HROB: variants seen among roughly 807,000 people sequenced by gnomAD.
HROB encodes the protein homologous recombination factor with OB-fold.
In HROB, 44 loss-of-function variants were observed where a neutral mutation model predicts 61.0. The ratio of observed to expected loss-of-function variants is 0.72; its 90% CI spans 0.57 to 0.93. The LOEUF is 0.93. Ranked by LOEUF, HROB falls within the 40% of genes least tolerant of loss-of-function variation. The probability of loss-of-function intolerance (pLI) is 0.00; values close to 1 mark genes in which losing one functional copy is unlikely to be tolerated. For synonymous variants in HROB, 301 were observed against 310.4 expected, an observed-to-expected ratio of 0.97 and a Z score of 0.32; for missense variants, 716 against 796.2, an observed-to-expected ratio of 0.90 and a Z score of 1.21.
intron 1 of HROB, 139 bp downstream of exon 1, chr17:44,142,284 TGGGCTGTCGTCA>T (rs1451338894): frequency 8.8e-7 from 1 of 1,142,132 alleles, no homozygotes; most frequent in African/African-American, 1.7e-5. Context: ...TCGGGAGACC[TGGGCTGTCGTCA>T]GGGCTTGTCA....
chr17:44,158,739 G>A (rs549267255), intron 9 of HROB, among the ~76,000 whole-genome samples: 11 of 151,742 alleles, frequency 7.2e-5, no homozygotes, highest in East Asian at 1.9e-4. Flanking sequence ...TCCGCCTCCC[G>A]GGTTCATGCC....
intron 1 of HROB, 139 bp from the exon 2 acceptor site, chr17:44,145,064 G>A: frequency 1.1e-6 from 1 of 914,564 alleles, no homozygotes; most frequent in Non-Finnish European, 1.7e-6. Flanking sequence ...TCATTCCTTA[G>A]TCCTTTCCCA....
Position 44,157,606 on chromosome 17 carries a change from G to C in HROB, c.1771-227G>C, listed in dbSNP as rs551791671. ...GTTTTTGTATTTTTAGTAGAGATGTGGTTTCACCGTGTTGGCCAGGCTGGT... is the reference window on the plus strand; with the variant it reads ...GTTTTTGTATTTTTAGTAGAGATGTCGTTTCACCGTGTTGGCCAGGCTGGT... On this transcript the variant is annotated intron_variant, in intron 8 of 9. Coordinates refer to ENST00000585683, the MANE Select transcript of HROB (RefSeq NM_001171251.3). Among the ~76,000 whole-genome samples, 10 of 151,914 alleles carry C rather than the reference G, an allele frequency of 6.6e-5. No homozygotes were observed. The South Asian group carries it at 2.1e-3, about 32-fold the overall frequency.
In HROB at chr17:44,158,055, T is replaced by A. The variant is rs180856297; in HGVS notation, c.1879+114T>A. On this transcript the variant is annotated intron_variant, in intron 9 of 9. Transcript: ENST00000585683. ...TCTTTCCATGAATCTTTGGATCTTATATAATCTTACAGAAATCAGATACAG... is the reference window on the plus strand; with the variant it reads ...TCTTTCCATGAATCTTTGGATCTTAAATAATCTTACAGAAATCAGATACAG... 10 of 756,236 alleles carry A rather than the reference T, an allele frequency of 1.3e-5. No homozygotes were observed. The East Asian group carries it at 2.7e-4, about 21-fold the overall frequency. The allele number at this position is 756,236 out of a possible 1,614,324, so 46.8% of individuals were successfully genotyped here. A position where few individuals can be genotyped will look rare whatever the true frequency, so the allele number is the denominator to read the frequency against.
At chr17:44,159,333 C>T (rs1395087370) in intron 9 of HROB, among the ~76,000 whole-genome samples, 1 of 152,114 alleles carries the variant, frequency 6.6e-6, no homozygotes, top group Non-Finnish European at 1.5e-5. Context: ...ATTATTATAA[C>T]TGAGAAAAAA....
chr17:44,152,217 T>C (rs917073182), intron 4 of HROB, among the ~76,000 whole-genome samples: 2 of 152,056 alleles, frequency 1.3e-5, no homozygotes, highest in African/African-American at 4.8e-5. Flanking sequence ...TGTCTTCAGG[T>C]GATCCACCCG....
In HROB at chr17:44,148,525, C is replaced by T. The variant is rs144388335; in HGVS notation, c.722C>T (p.Pro241Leu). ...GTCATCCAATGTAGGACTCCACGACCCCCCTTGAGACCTGGTGCTGTGGGT... is the reference window on the plus strand; with the variant it reads ...GTCATCCAATGTAGGACTCCACGACTCCCCTTGAGACCTGGTGCTGTGGGT... ...DPVIQCRTPR[P>L]PLRPGAVGHL... The change falls in exon 3 of 10, where the codon CCC (proline) becomes CTC (leucine). Residue 241 changes from proline to leucine, a missense_variant. Transcript: ENST00000585683. 8.5e-4 allele frequency: 1,380 copies of T among 1,614,098 alleles called. No individual in the cohort carries two copies. Among genetic ancestry groups the T allele is most frequent in the Admixed American group, 1.1e-3 (64 of 59,996 alleles).
At chr17:44,156,010 T>C (rs2053958634) in intron 8 of HROB, among the ~76,000 whole-genome samples, 1 of 152,132 alleles carries the variant, frequency 6.6e-6, no homozygotes, top group Admixed American at 6.5e-5. Context: ...ACCACCTTCC[T>C]AGGATCTTGT....
At chr17:44,152,565 C>A in intron 4 of HROB, 72 bp from the exon 5 acceptor site, 2 of 1,541,918 alleles carry the variant, frequency 1.3e-6, no homozygotes, top group Non-Finnish European at 1.8e-6. Context: ...ACCCTTCCAC[C>A]CTGTTTCAAT....
intron 4 of HROB, 145 bp from the exon 5 acceptor site, chr17:44,152,492 T>G: frequency 5.2e-6 from 4 of 765,448 alleles, no homozygotes; most frequent in East Asian, 2.8e-5. Context: ...TGGAGATAAA[T>G]GAGAGGAGAG....
chr17:44,148,931 C>CA lies in HROB; in HGVS notation c.1129dup (p.Thr377AsnfsTer56). On this transcript the variant is annotated frameshift_variant, in exon 3 of 10. Coordinates refer to ENST00000585683, the MANE Select transcript of HROB (RefSeq NM_001171251.3). LOFTEE classifies it high-confidence loss of function. ...TCACCAACCACCTGGTGCAGCTAGT[C>CA]ACTGCTGCCAGCCGGACACCCCAGC... The CA allele has an allele frequency of 6.2e-7, 1 of 1,614,146 alleles. No individual in the cohort carries two copies. Among genetic ancestry groups the CA allele is most frequent in the Non-Finnish European group, 8.5e-7 (1 of 1,180,018 alleles).
intron 4 of HROB, 82 bp downstream of exon 4, chr17:44,151,126 G>A: frequency 7.3e-7 from 1 of 1,377,814 alleles, no homozygotes; most frequent in Non-Finnish European, 1.0e-6. Flanking sequence ...TAAGAATCAA[G>A]AGCTGATGCT....
intron 8 of HROB, among the ~76,000 whole-genome samples, chr17:44,156,956 C>G (rs985771967): frequency 6.6e-6 from 1 of 151,992 alleles, no homozygotes; most frequent in Non-Finnish European, 1.5e-5. Flanking sequence ...CTAGGCGTGC[C>G]AGGCCCAGTT....
Position 44,155,559 on chromosome 17 carries a change from TCTC to T in HROB, c.1770+151_1770+153del, listed in dbSNP as rs1400314312. ...AAAGGTATCTTTGGGGACAGGACCA[TCTC>T]CTATCCCTCATCCAGCCGCCTGGCA... is the stretch of plus-strand genomic sequence containing the variant. On this transcript the variant is annotated intron_variant, in intron 8 of 9. Transcript: ENST00000585683. 4.8e-6 allele frequency: 6 copies of T among 1,258,276 alleles called. No individual in the cohort carries two copies. In the East Asian group the frequency reaches 1.5e-4, roughly 32 times the overall value. The allele number at this position is 1,258,276 out of a possible 1,614,324, so 77.9% of individuals were successfully genotyped here. A position where few individuals can be genotyped will look rare whatever the true frequency, so the allele number is the denominator to read the frequency against.
chr17:44,149,394 C>T (rs1399271289), intron 3 of HROB, among the ~76,000 whole-genome samples: 1 of 151,790 alleles, frequency 6.6e-6, no homozygotes, highest in African/African-American at 2.4e-5. Context: ...GACTACAGGC[C>T]CCCGCCACCA....
At position 44,148,295 on chromosome 17, in the gene HROB, C is replaced by T. The variant is rs1407714512; in HGVS notation, c.492C>T (p.Ser164=). 6.2e-7 allele frequency: 1 copy of T among 1,614,136 alleles called. No homozygotes were observed. The highest frequency in any genetic ancestry group is 1.3e-5 in the African/African-American group (1 of 75,034). ...EQDEFDKVLA[S]MELEEPGMEL... ...ACGAATTTGATAAAGTCCTGGCAAG[C>T]ATGGAGTTGGAGGAGCCTGGCATGG... Residue 164 remains serine, a synonymous_variant, in exon 3 of 10, where the codon AGC becomes AGT. Coordinates refer to ENST00000585683, the MANE Select transcript of HROB (RefSeq NM_001171251.3).
At chr17:44,160,795 T>C (rs996473173) in intron 9 of HROB, among the ~76,000 whole-genome samples, 5 of 152,212 alleles carry the variant, frequency 3.3e-5, no homozygotes, top group African/African-American at 1.2e-4. Flanking sequence ...AAAAAGCATA[T>C]GTCTCTTATC....
At chr17:44,161,247 C>A (rs189025906) in intron 9 of HROB, among the ~76,000 whole-genome samples, 1 of 150,934 alleles carries the variant, frequency 6.6e-6, no homozygotes, top group East Asian at 2.0e-4. Flanking sequence ...GGGTTGATAA[C>A]AGGAGCTAAC....
intron 4 of HROB, among the ~76,000 whole-genome samples, chr17:44,151,800 GATTTT>G (rs200271254): frequency 0.014 from 2,156 of 151,968 alleles, 24 homozygotes; most frequent in Middle Eastern, 0.028. Flanking sequence ...GTCAGGAGCT[GATTTT>G]ATTTTATTTT....
Sources: gnomAD v4.1 joint callset for allele counts (sites outside exome capture counted in the v4.1 genomes callset) on GRCh38, gnomAD v4.1.1 for gene constraint, MANE v1.5 for transcripts, NCBI Gene and HGNC (gene_info 2026-07-23, HGNC 2026-07-21) for gene names.